The following MTF1 variants were observed in gnomAD, a reference collection of about 807,000 sequenced individuals.
MTF1 encodes the protein metal regulatory transcription factor 1.
A neutral mutation model predicts 70.4 loss-of-function variants in MTF1; 22 were observed. That is an observed-to-expected ratio of 0.31 (90% CI 0.22 to 0.45). The LOEUF (loss-of-function observed/expected upper bound fraction) is 0.45. Among genes scored for constraint, MTF1 ranks in the 20% least tolerant of loss-of-function variants. MTF1 has a pLI of 1.00. For missense variants in MTF1, 649 were observed against 922.0 expected (o/e 0.70, Z 3.83); for synonymous variants, 333 against 352.8 (o/e 0.94, Z 0.63).
intron 4 of MTF1, among the ~76,000 whole-genome samples, chr1:37,836,059 C>G (rs968250524): frequency 2.0e-5 from 3 of 152,132 alleles, no homozygotes; most frequent in African/African-American, 7.2e-5. Context: ...CTCGGCCTCC[C>G]AAGTGCTGGG....
intron 1 of MTF1, 24 bp from the exon 2 acceptor site, chr1:37,857,733 T>C (rs897900018): frequency 6.1e-6 from 9 of 1,483,660 alleles, no homozygotes; most frequent in African/African-American, 1.4e-5. Context: ...AAGCCAGAGT[T>C]AGAGTCATAC....
At chr1:37,852,711 C>T (rs1343220599) in intron 2 of MTF1, among the ~76,000 whole-genome samples, 1 of 151,920 alleles carries the variant, frequency 6.6e-6, no homozygotes, top group African/African-American at 2.4e-5. Flanking sequence ...GCTCACTGCA[C>T]CCTCCGCCCT....
At chr1:37,836,942 G>C (rs568744414) in intron 4 of MTF1, among the ~76,000 whole-genome samples, 4 of 135,436 alleles carry the variant, frequency 3.0e-5, no homozygotes, top group East Asian at 2.1e-4. Context: ...TACGGGAAGG[G>C]GGGCGGCGGG....
chr1:37,820,210 G>A (rs1640889957), intron 9 of MTF1, among the ~76,000 whole-genome samples: 1 of 152,108 alleles, frequency 6.6e-6, no homozygotes, highest in Non-Finnish European at 1.5e-5. Flanking sequence ...TCTCCCTGTT[G>A]AGCCCCAAAT....
At chr1:37,819,353 T>C (rs896130050) in intron 9 of MTF1, among the ~76,000 whole-genome samples, 21 of 152,184 alleles carry the variant, frequency 1.4e-4, no homozygotes, top group African/African-American at 5.1e-4. Context: ...CCGGGCGCGG[T>C]GGCTCACGCC....
At chr1:37,850,874 A>G (rs1641408523) in intron 2 of MTF1, among the ~76,000 whole-genome samples, 1 of 152,208 alleles carries the variant, frequency 6.6e-6, no homozygotes, top group Non-Finnish European at 1.5e-5. Flanking sequence ...GGAAGCCAAG[A>G]AGACCAACTA....
In MTF1 at chr1:37,815,289, A is replaced by G. The variant is rs756743324; in HGVS notation, c.2109T>C (p.Thr703=). ...ATGTTTCTGTCTGAGGGTCTGAAGG[A>G]GTCTCTGCTTGTCGGCTTTGCTCAC... ...SSCEQSRQAE[T]PSDPQTETLS... Residue 703 remains threonine (T), a synonymous_variant, in exon 11 of 11, where the codon ACT becomes ACC. Coordinates refer to ENST00000373036, the MANE Select transcript of MTF1 (RefSeq NM_005955.3). The surrounding 1 kb of genome is among the most constrained non-coding windows in gnomAD (Gnocchi z 4.5). The G allele has an allele frequency of 1.9e-6, 3 of 1,614,036 alleles. No homozygotes were observed. The highest frequency in any genetic ancestry group is 2.5e-6 in the Non-Finnish European group (3 of 1,180,032).
chr1:37,850,524 G>A lies in MTF1; in HGVS notation c.408+6727C>T, dbSNP rs868254220. Among the ~76,000 whole-genome samples the A allele has an allele frequency of 5.7e-4, 86 of 150,984 alleles. 1 individual carries two copies. The highest frequency in any genetic ancestry group is 2.0e-3 in the African/African-American group (83 of 40,988). ...GAAAAGAAGGAAGGAAGGGAGGGAG[G>A]AAGGGAATGAGAGAGAGAAAGAGAA... On this transcript the variant is annotated intron_variant, in intron 2 of 10. Coordinates refer to ENST00000373036, the MANE Select transcript of MTF1 (RefSeq NM_005955.3).
At chr1:37,828,775 A>G (rs1435015250) in intron 7 of MTF1, among the ~76,000 whole-genome samples, 1 of 152,250 alleles carries the variant, frequency 6.6e-6, no homozygotes, top group East Asian at 1.9e-4. Flanking sequence ...GCCAAGCTTC[A>G]GGGCAAAAAC....
intron 7 of MTF1, among the ~76,000 whole-genome samples, chr1:37,829,712 G>A (rs1487864983): frequency 6.6e-6 from 1 of 151,940 alleles, no homozygotes. Flanking sequence ...GTGAACCCAG[G>A]AGGTGGAGCT....
chr1:37,835,806 CTTTT>C, intron 4 of MTF1, 62 bp from the exon 5 acceptor site: 3 of 1,052,812 alleles, frequency 2.8e-6, no homozygotes, highest in East Asian at 5.8e-5. Context: ...TCCTGAACGT[CTTTT>C]TTTTTTTTGA....
At chr1:37,816,619 G>A (rs1418916636) in intron 10 of MTF1, among the ~76,000 whole-genome samples, 1 of 148,958 alleles carries the variant, frequency 6.7e-6, no homozygotes, top group South Asian at 2.1e-4. Context: ...GGGTTGCAGT[G>A]AGCCGGGATT....
chr1:37,818,573 G>A (rs12759533), intron 9 of MTF1, among the ~76,000 whole-genome samples: 87,824 of 151,526 alleles, frequency 0.58, 26,804 homozygotes, highest in Non-Finnish European at 0.68. Context: ...GCATGGTGGC[G>A]GGCGCCTGTA....
rs1640678448 is a variant in MTF1 at position 37,809,931 on chromosome 1, A to T, written c.*5205T>A. On this transcript the variant is annotated 3_prime_UTR_variant, in exon 11 of 11. Coordinates refer to ENST00000373036, the MANE Select transcript of MTF1 (RefSeq NM_005955.3). Reference sequence around the variant, plus strand: ...CCGGCCAATGATTAGTGTATGTCAAAAAAAAGGGCTCTTGGGGGCTCTTGC... The same window carrying T: ...CCGGCCAATGATTAGTGTATGTCAATAAAAAGGGCTCTTGGGGGCTCTTGC... 1 of 152,618 alleles carries T rather than the reference A, an allele frequency of 6.6e-6. No individual in the cohort carries two copies. The highest frequency in any genetic ancestry group is 1.9e-4 in the East Asian group (1 of 5,202). The allele number at this position is 152,618 out of a possible 1,614,324, so 9.5% of individuals were successfully genotyped here.
chr1:37,821,387 G>A lies in MTF1; in HGVS notation c.1767+734C>T, dbSNP rs573348013. 2.6e-3 allele frequency among the ~76,000 whole-genome samples: 402 copies of A among 152,050 alleles called. 4 individuals are homozygous for A. The highest frequency in any genetic ancestry group is 9.5e-3 in the African/African-American group (392 of 41,464). ...GACTCAATGAATAATAGCTGTTGAT[G>A]TTTTTTAAATTACCATTATTAGTAT... On this transcript the variant is annotated intron_variant, in intron 9 of 10. Coordinates refer to ENST00000373036, the MANE Select transcript of MTF1 (RefSeq NM_005955.3).
intron 3 of MTF1, 146 bp downstream of exon 3, chr1:37,839,774 G>T: frequency 1.5e-6 from 1 of 654,148 alleles, no homozygotes; most frequent in South Asian, 2.0e-5. Flanking sequence ...CTGAGATCTG[G>T]CAGAAATGAA....
At chr1:37,842,192 T>C (rs1177861321) in intron 2 of MTF1, among the ~76,000 whole-genome samples, 1 of 152,032 alleles carries the variant, frequency 6.6e-6, no homozygotes, top group African/African-American at 2.4e-5. Flanking sequence ...CACTTGAGTC[T>C]GGAAGGCTGA....
chr1:37,815,274 C>CT lies in MTF1; in HGVS notation c.2123dup (p.Thr709AspfsTer28), dbSNP rs775141710. 6.2e-7 allele frequency: 1 copy of CT among 1,614,072 alleles called. No individual in the cohort carries two copies. The highest frequency in any genetic ancestry group is 2.2e-5 in the East Asian group (1 of 44,852). On this transcript the variant is annotated frameshift_variant, in exon 11 of 11. Coordinates refer to ENST00000373036, the MANE Select transcript of MTF1 (RefSeq NM_005955.3). LOFTEE classifies it high-confidence loss of function. This position sits in a 1 kb window ranked among gnomAD's most constrained non-coding sequence, Gnocchi z 4.5. Reference sequence around the variant, plus strand: ...CATCCATGGCACTTAATGTTTCTGTCTGAGGGTCTGAAGGAGTCTCTGCTT... The same window carrying CT: ...CATCCATGGCACTTAATGTTTCTGTCTTGAGGGTCTGAAGGAGTCTCTGCTT...
chr1:37,838,797 CTTTTTTT>C lies in MTF1; in HGVS notation c.648-48_648-42del, dbSNP rs746478428. 272 of 474,618 alleles carry C rather than the reference CTTTTTTT, an allele frequency of 5.7e-4. 2 individuals are homozygous for C. The highest frequency in any genetic ancestry group is 3.4e-3 in the South Asian group (107 of 31,244). 29.4% of individuals were successfully genotyped at this position (474,618 alleles called of 1,614,324 possible). A position where few individuals can be genotyped will look rare whatever the true frequency, so the allele number is the denominator to read the frequency against. ...GAAAAATTCCCTTTGTCATAAAATT[CTTTTTTT>C]TTTTTTTTTTTTTTTCTGAGACAGA... On this transcript the variant is annotated intron_variant, in intron 3 of 10. Transcript: ENST00000373036.
Sources: gnomAD v4.1 joint callset for allele counts (sites outside exome capture counted in the v4.1 genomes callset) on GRCh38, gnomAD v4.1.1 for gene constraint, Gnocchi (gnomAD v3.1) non-coding constraint, MANE v1.5 for transcripts, NCBI Gene and HGNC (gene_info 2026-07-23, HGNC 2026-07-21) for gene names.